Variants in APC2 observed in about 807,000 individuals in gnomAD.
The protein encoded by APC2 is APC regulator of Wnt signaling pathway 2, also known as adenomatous polyposis coli protein 2.
A neutral mutation model predicts 72.5 loss-of-function variants in APC2; 41 were observed. The observed-to-expected ratio is 0.57, with a 90% confidence interval of 0.44 to 0.73. The LOEUF is 0.73. Ranked by LOEUF, APC2 falls within the 30% of genes least tolerant of loss-of-function variation. The pLI is 0.00. For missense variants in APC2, 3,729 were observed against 3,403.4 expected (o/e 1.10, Z -2.38); for synonymous variants, 1,898 against 1,612.0 (o/e 1.18, Z -4.25).
intron 1 of APC2, among the ~76,000 whole-genome samples, chr19:1,450,588 G>C (rs1439244848): frequency 6.6e-6 from 1 of 152,238 alleles, no homozygotes; most frequent in Non-Finnish European, 1.5e-5. Context: ...GGATGGGCAG[G>C]CCAGTGGTGT....
At chr19:1,454,364 C>T (rs913393378) in intron 4 of APC2, among the ~76,000 whole-genome samples, 6 of 142,878 alleles carry the variant, frequency 4.2e-5, no homozygotes. Flanking sequence ...ATTGCTTTCT[C>T]TTTTTTTTTT....
At position 1,460,199 on chromosome 19, in the gene APC2, C is replaced by T. The variant is rs1487403751; in HGVS notation, c.1322C>T (p.Ala441Val). The change falls in exon 11 of 15, where the codon GCA becomes GTA. Residue 441 changes from alanine to valine, a missense_variant. Coordinates refer to ENST00000590469, the MANE Select transcript of APC2 (RefSeq NM_005883.3). ...CTCACAGGTGGGCTGCAGGCCGTGGCAGAGCTGCTGCAGGTTGACTATGAG... is the reference window on the plus strand; with the variant it reads ...CTCACAGGTGGGCTGCAGGCCGTGGTAGAGCTGCTGCAGGTTGACTATGAG... ...MNELGGLQAV[A>V]ELLQVDYEMH... The T allele has an allele frequency of 2.5e-6, 4 of 1,613,314 alleles. No homozygotes were observed. The highest frequency in any genetic ancestry group is 3.4e-6 in the Non-Finnish European group (4 of 1,180,014).
intron 9 of APC2, chr19:1,457,529 T>C (rs2083854170): frequency 5.6e-6 from 3 of 534,324 alleles, no homozygotes; most frequent in Non-Finnish European, 9.8e-6. Flanking sequence ...TTTTTTGCAG[T>C]TGATCGCAAA....
Position 1,468,006 on chromosome 19 carries a change from A to G in APC2, c.4705A>G (p.Ile1569Val), listed in dbSNP as rs2145249308. 1.9e-6 allele frequency: 3 copies of G among 1,585,182 alleles called. 1 individual carries two copies. Among genetic ancestry groups the G allele is most frequent in the South Asian group, 2.2e-5 (2 of 89,754 alleles). The change falls in exon 15 of 15, where the codon ATT becomes GTT. Residue 1569 changes from isoleucine (I) to valine (V), a missense_variant. Coordinates refer to ENST00000590469, the MANE Select transcript of APC2 (RefSeq NM_005883.3). The stretch of plus-strand genomic sequence containing the variant: ...GCCCGCCCGGACCCAGCCCAGCCTC[A>G]TTGCTGACGAGACCCCGCCCTGCTA... ...PPPARTQPSL[I>V]ADETPPCYSL...
At chr19:1,461,477 G>C in intron 13 of APC2, 1 of 425,208 alleles carries the variant, frequency 2.4e-6, no homozygotes, top group Admixed American at 3.9e-5. Context: ...GCTGAGGCAG[G>C]AGAATCACTT....
chr19:1,460,770 C>T lies in APC2; in HGVS notation c.1444-10C>T, dbSNP rs779960037. Reference sequence around the variant, plus strand: ...CAACCCCGTGACCCCGGCTGCATAACCCCCAACAGGCCACCCTGTGTGCGC... The same window carrying T: ...CAACCCCGTGACCCCGGCTGCATAATCCCCAACAGGCCACCCTGTGTGCGC... On this transcript the variant is annotated splice_polypyrimidine_tract_variant and intron_variant, in intron 11 of 14. Transcript: ENST00000590469. 1.2e-5 allele frequency: 19 copies of T among 1,612,114 alleles called. No homozygotes were observed. Among genetic ancestry groups the T allele is most frequent in the Non-Finnish European group, 1.4e-5 (17 of 1,179,366 alleles).
intron 14 of APC2, 110 bp downstream of exon 14, chr19:1,462,287 G>A (rs2083939515): frequency 9.5e-7 from 1 of 1,047,142 alleles, no homozygotes; most frequent in Non-Finnish European, 1.4e-6. Context: ...CTTCCCCAGG[G>A]GCTGCTGTTT....
rs1405260979 is a variant in APC2 at position 1,468,269 on chromosome 19, G to C, written c.4968G>C (p.Arg1656=). Residue 1656 remains arginine, a synonymous_variant, in exon 15 of 15, where the codon CGG becomes CGC. Coordinates refer to ENST00000590469, the MANE Select transcript of APC2 (RefSeq NM_005883.3). ...GGCGCCGCAAGCCCCGAGCCACCCG[G>C]CTGGATGAGCGGCCCGCAGAGGGGT... The part of the protein sequence containing the change: ...GLRRRKPRAT[R]LDERPAEGSR... The C allele has an allele frequency of 1.3e-6, 2 of 1,530,304 alleles. No homozygotes were observed. Among genetic ancestry groups the C allele is most frequent in the Admixed American group, 4.0e-5 (2 of 49,806 alleles). 94.8% of individuals were successfully genotyped at this position (1,530,304 alleles called of 1,614,324 possible). A position where few individuals can be genotyped will look rare whatever the true frequency, so the allele number is the denominator to read the frequency against.
chr19:1,460,991 G>T (rs760897276), intron 12 of APC2, 46 bp from the exon 13 acceptor site: 1 of 1,607,658 alleles, frequency 6.2e-7, no homozygotes, highest in Non-Finnish European at 8.5e-7. Flanking sequence ...GGGGTTTGGG[G>T]GGCCTGGACC....
intron 10 of APC2, 27 bp downstream of exon 10, chr19:1,458,087 C>T (rs899754120): frequency 5.8e-6 from 9 of 1,544,858 alleles, no homozygotes; most frequent in African/African-American, 1.4e-5. Flanking sequence ...CTCTGGGAAG[C>T]CATCCTCCAG....
chr19:1,459,009 G>A (rs947039957), intron 10 of APC2, among the ~76,000 whole-genome samples: 6 of 151,714 alleles, frequency 4.0e-5, no homozygotes, highest in Admixed American at 2.0e-4. Context: ...ACTCTGTCCC[G>A]GTGAAACATT....
intron 14 of APC2, among the ~76,000 whole-genome samples, chr19:1,463,544 T>A (rs1426633620): frequency 6.7e-6 from 1 of 150,232 alleles, no homozygotes; most frequent in Non-Finnish European, 1.5e-5. Context: ...GATAAGGCCA[T>A]TGCACACCAG....
chr19:1,454,729 A>G (rs902921396), intron 4 of APC2, among the ~76,000 whole-genome samples: 1 of 151,686 alleles, frequency 6.6e-6, no homozygotes, highest in East Asian at 1.9e-4. Flanking sequence ...ACGCCCGGCT[A>G]ATTTTGTTTT....
At chr19:1,448,594 C>T (rs2083708111), upstream of APC2, among the ~76,000 whole-genome samples, 1 of 149,994 alleles carries the variant, frequency 6.7e-6, no homozygotes, top group South Asian at 2.1e-4. Context: ...GCCTGTAATC[C>T]CAGCACTTTG....
chr19:1,448,861 AAAAAAG>A (rs376451283), upstream of APC2, among the ~76,000 whole-genome samples: 13 of 150,118 alleles, frequency 8.7e-5, no homozygotes, highest in African/African-American at 2.5e-4. Context: ...AAAAAAAGAA[AAAAAAG>A]AAAAAGAAAA....
chr19:1,453,130 G>C lies in APC2; in HGVS notation c.129G>C (p.Thr43=), dbSNP rs769872545. 1 of 1,603,640 alleles carries C rather than the reference G, an allele frequency of 6.2e-7. No individual in the cohort carries two copies. Among genetic ancestry groups the C allele is most frequent in the Non-Finnish European group, 8.5e-7 (1 of 1,175,770 alleles). The change falls in exon 2 of 15, where the codon ACG becomes ACC. Residue 43 remains threonine, a synonymous_variant. Coordinates refer to ENST00000590469, the MANE Select transcript of APC2 (RefSeq NM_005883.3). ...SSHLSKLETE[T]SGMKEVLKHL... The stretch of plus-strand genomic sequence containing the variant: ...ACCTGTCCAAGCTGGAGACAGAGAC[G>C]TCGGGCATGAAGGTGGGGGCCTACA...
Position 1,453,360 on chromosome 19 carries a change from G to A in APC2, c.232+23G>A, listed in dbSNP as rs1281502650. On this transcript the variant is annotated intron_variant, in intron 3 of 14. Coordinates refer to ENST00000590469, the MANE Select transcript of APC2 (RefSeq NM_005883.3). Reference sequence around the variant, plus strand: ...AGGGTGAGCGGTGGGGCCACCCGCAGAGGGAGTGGGGGAGGCTGGGGGGAA... The same window carrying A: ...AGGGTGAGCGGTGGGGCCACCCGCAAAGGGAGTGGGGGAGGCTGGGGGGAA... 3 of 1,611,790 alleles carry A rather than the reference G, an allele frequency of 1.9e-6. No individual in the cohort carries two copies. The African/African-American group carries it at 4.0e-5, about 22-fold the overall frequency.
intron 14 of APC2, among the ~76,000 whole-genome samples, chr19:1,464,605 CAT>C (rs901221395): frequency 1.3e-5 from 2 of 149,278 alleles, no homozygotes; most frequent in African/African-American, 4.9e-5. Context: ...CCAGATACCA[CAT>C]AGGATATGTG....
In APC2 at chr19:1,466,490, G is replaced by C; in HGVS notation, c.3189G>C (p.Gly1063=). 3.8e-6 allele frequency: 6 copies of C among 1,597,596 alleles called. No individual in the cohort carries two copies. The highest frequency in any genetic ancestry group is 5.1e-6 in the Non-Finnish European group (6 of 1,179,370). ...KALQKLAAQE[G]PLSLSRCSSL... is the part of the protein sequence containing the mutation. ...TGCAGAAACTGGCGGCGCAAGAGGG[G>C]CCACTCTCGCTGTCCCGATGCAGCT... The change falls in exon 15 of 15, where the codon GGG becomes GGC. Residue 1063 remains glycine, a synonymous_variant. Coordinates refer to ENST00000590469, the MANE Select transcript of APC2 (RefSeq NM_005883.3).
Sources: allele counts gnomAD v4.1 joint callset (sites outside exome capture counted in the v4.1 genomes callset), GRCh38; gene constraint gnomAD v4.1.1; transcripts MANE v1.5; gene names NCBI Gene and HGNC (gene_info 2026-07-23, HGNC 2026-07-21).